The following MICU3 variants were observed in gnomAD, a reference collection of about 807,000 sequenced individuals.
MICU3 encodes calcium uptake protein 3, mitochondrial.
MICU3 carries 62 observed loss-of-function variants against 66.5 expected under a neutral mutation model. That is an observed-to-expected ratio of 0.93 (90% CI 0.76 to 1.15). The LOEUF is 1.15. Among genes scored for constraint, MICU3 ranks in the 50% most tolerant of loss-of-function variants. The pLI is 0.00. For synonymous variants in MICU3, 308 were observed against 240.7 expected (o/e 1.28, Z -2.59); for missense variants, 779 against 664.4 (o/e 1.17, Z -1.90).
intron 1 of MICU3, among the ~76,000 whole-genome samples, chr8:17,039,750 A>G (rs1813702067): frequency 6.6e-6 from 1 of 151,798 alleles, no homozygotes; most frequent in Non-Finnish European, 1.5e-5. Flanking sequence ...CCCAAAGATT[A>G]AAGGAAACAT....
intron 11 of MICU3, 55 bp from the exon 12 acceptor site, chr8:17,114,038 G>GGTCGTAGT: frequency 8.6e-7 from 1 of 1,163,072 alleles, no homozygotes; most frequent in Non-Finnish European, 1.3e-6. Context: ...TGTAGATCCT[G>GGTCGTAGT]ATTTTAATAA....
At chr8:17,078,330 T>A (rs1220666150) in intron 4 of MICU3, among the ~76,000 whole-genome samples, 1 of 152,090 alleles carries the variant, frequency 6.6e-6, no homozygotes, top group Non-Finnish European at 1.5e-5. Flanking sequence ...AATTTGGACA[T>A]GTTTCCTTTA....
chr8:17,056,304 T>A (rs990988454), intron 1 of MICU3, among the ~76,000 whole-genome samples: 18 of 152,182 alleles, frequency 1.2e-4, no homozygotes, highest in African/African-American at 4.3e-4. Flanking sequence ...TAATCTCCTC[T>A]ATTCCTGGCT....
chr8:17,044,417 A>G lies in MICU3; in HGVS notation c.381+16757A>G, dbSNP rs191998792. On this transcript the variant is annotated intron_variant, in intron 1 of 14. Coordinates refer to ENST00000318063, the MANE Select transcript of MICU3 (RefSeq NM_181723.3). ...TTAGATGGTACTGTGTAATTCTAGT[A>G]TCTTCTTCAGCAGTGTTTTCTTAAT... Among the ~76,000 whole-genome samples, 830 of 152,324 alleles carry G rather than the reference A, an allele frequency of 5.4e-3. 4 individuals are homozygous for G. Among genetic ancestry groups the G allele is most frequent in the Non-Finnish European group, 9.3e-3 (632 of 68,026 alleles).
intron 1 of MICU3, among the ~76,000 whole-genome samples, chr8:17,051,532 G>A (rs74670616): frequency 0.043 from 6,570 of 152,314 alleles, 207 homozygotes; most frequent in Middle Eastern, 0.12. Flanking sequence ...CCAAGGATTG[G>A]CCCTAGGGCA....
rs574822416 is a variant in MICU3, at chr8:17,048,482, A to G, written c.382-15602A>G. On this transcript the variant is annotated intron_variant, in intron 1 of 14. Transcript: ENST00000318063. ...GTGTGACTTATTCACTATCACAAGA[A>G]CAGTGTGGGAAAGACCCACCCCCAT... Among the ~76,000 whole-genome samples the G allele has an allele frequency of 5.3e-5, 8 of 152,334 alleles. No individual in the cohort carries two copies. The South Asian group carries it at 1.7e-3, about 32-fold the overall frequency.
the MICU3 span, among the ~76,000 whole-genome samples, chr8:17,138,401 G>A: frequency 6.6e-6 from 1 of 152,166 alleles, no homozygotes; most frequent in Non-Finnish European, 1.5e-5. Flanking sequence ...CGTCATGGCA[G>A]GGTGGTGGAC....
intron 1 of MICU3, among the ~76,000 whole-genome samples, chr8:17,039,257 C>T (rs184784408): frequency 2.0e-5 from 3 of 152,316 alleles, no homozygotes; most frequent in Admixed American, 6.5e-5. Context: ...ATTTATGTGG[C>T]TCGCTTTATT....
intron 2 of MICU3, among the ~76,000 whole-genome samples, chr8:17,069,036 T>C (rs1389530741): frequency 6.6e-6 from 1 of 152,130 alleles, no homozygotes; most frequent in Non-Finnish European, 1.5e-5. Flanking sequence ...GTGTTTGAGA[T>C]CTTTGGGGGT....
chr8:17,119,922 G>A (rs1306453889), intron 14 of MICU3, among the ~76,000 whole-genome samples: 2 of 152,016 alleles, frequency 1.3e-5, no homozygotes, highest in Admixed American at 6.5e-5. Flanking sequence ...CCATTTTAAG[G>A]AATTTTAAAC....
At chr8:17,068,717 T>C (rs972649091) in intron 2 of MICU3, among the ~76,000 whole-genome samples, 1 of 152,198 alleles carries the variant, frequency 6.6e-6, no homozygotes, top group African/African-American at 2.4e-5. Flanking sequence ...TTGAGTTGTT[T>C]TGTTGCCTAA....
rs556310432 is a variant in MICU3, at chr8:17,065,129, C to G, written c.535+892C>G. On this transcript the variant is annotated intron_variant, in intron 2 of 14. Transcript: ENST00000318063. ...AATTCATTTCACTTCACTGAAAGAT[C>G]ACTCACTAAAAATCAGTATAACAAA... is the stretch of plus-strand genomic sequence containing the variant. Among the ~76,000 whole-genome samples the G allele has an allele frequency of 2.6e-5, 4 of 152,214 alleles. No homozygotes were observed. In the East Asian group the frequency reaches 7.7e-4, roughly 29 times the overall value.
chr8:17,039,263 T>G (rs908876318), intron 1 of MICU3, among the ~76,000 whole-genome samples: 1 of 152,228 alleles, frequency 6.6e-6, no homozygotes. Context: ...GTGGCTCGCT[T>G]TATTGCAATA....
rs185549051 is a variant in MICU3, at chr8:17,039,581, C to A, written c.381+11921C>A. On this transcript the variant is annotated intron_variant, in intron 1 of 14. Transcript: ENST00000318063. ...TAAATATTTGGGTTTAATGTGACTT[C>A]TTAATTGATTCTCACATATAATGCT... is the stretch of plus-strand genomic sequence containing the variant. Among the ~76,000 whole-genome samples, 4 of 152,198 alleles carry A rather than the reference C, an allele frequency of 2.6e-5. No individual in the cohort carries two copies. In the East Asian group the frequency reaches 7.7e-4, roughly 29 times the overall value.
At chr8:17,063,420 C>G (rs892586590) in intron 1 of MICU3, among the ~76,000 whole-genome samples, 2 of 151,890 alleles carry the variant, frequency 1.3e-5, no homozygotes, top group Non-Finnish European at 2.9e-5. Flanking sequence ...CTCTTGTAAT[C>G]AGGAAAATAA....
At chr8:17,083,361 A>G (rs1821472762) in intron 5 of MICU3, among the ~76,000 whole-genome samples, 1 of 152,156 alleles carries the variant, frequency 6.6e-6, no homozygotes, top group Non-Finnish European at 1.5e-5. Flanking sequence ...CTCCAGCTGC[A>G]TGACTCCTAA....
At chr8:17,138,311 T>A in the MICU3 span, among the ~76,000 whole-genome samples, 2 of 152,114 alleles carry the variant, frequency 1.3e-5, no homozygotes, top group Non-Finnish European at 2.9e-5. Flanking sequence ...GATGTTATAA[T>A]GTTTTTATTT....
chr8:17,038,375 C>T (rs991500824), intron 1 of MICU3, among the ~76,000 whole-genome samples: 1 of 152,210 alleles, frequency 6.6e-6, no homozygotes, highest in South Asian at 2.1e-4. Flanking sequence ...TTCCTCTGCA[C>T]ATGCTCTCTT....
At chr8:17,135,534 A>G in the MICU3 span, among the ~76,000 whole-genome samples, 1 of 152,168 alleles carries the variant, frequency 6.6e-6, no homozygotes, top group Non-Finnish European at 1.5e-5. Context: ...TGATTCTCTT[A>G]GGTTTTCTGG....
Sources: gnomAD v4.1 joint callset for allele counts (sites outside exome capture counted in the v4.1 genomes callset) on GRCh38, gnomAD v4.1.1 for gene constraint, MANE v1.5 for transcripts, NCBI Gene and HGNC (gene_info 2026-07-23, HGNC 2026-07-21) for gene names.